ATRNL1: variants seen among roughly 807,000 people sequenced by gnomAD.
ATRNL1 encodes attractin-like protein 1.
ATRNL1 carries 95 observed loss-of-function variants against 182.7 expected under a neutral mutation model. The ratio of observed to expected loss-of-function variants is 0.52; its 90% CI spans 0.44 to 0.62. The LOEUF is 0.62. Ranked by LOEUF, ATRNL1 falls within the 20% of genes least tolerant of loss-of-function variation. The probability of loss-of-function intolerance (pLI) is 0.00; values close to 1 mark genes in which losing one functional copy is unlikely to be tolerated. For missense variants in ATRNL1, 1,471 were observed against 1,679.5 expected (o/e 0.88, Z 2.17); for synonymous variants, 576 against 568.3 (o/e 1.01, Z -0.19).
intron 28 of ATRNL1, among the ~76,000 whole-genome samples, chr10:115,883,112 T>C (rs1401822754): frequency 1.3e-5 from 2 of 152,202 alleles, no homozygotes; most frequent in Admixed American, 6.5e-5. Context: ...GGCAGGGCTT[T>C]GCGCAGATGG....
At chr10:115,615,800 T>A (rs1262735626) in intron 26 of ATRNL1, among the ~76,000 whole-genome samples, 1 of 152,198 alleles carries the variant, frequency 6.6e-6, no homozygotes, top group African/African-American at 2.4e-5. Context: ...CTGCCAGTCT[T>A]CCTGTACAGC....
At chr10:115,564,631 C>T (rs1853962580) in intron 26 of ATRNL1, among the ~76,000 whole-genome samples, 1 of 151,882 alleles carries the variant, frequency 6.6e-6, no homozygotes, top group Admixed American at 6.6e-5. Context: ...GTTTTCATAT[C>T]TATTTTTAAT....
intron 19 of ATRNL1, among the ~76,000 whole-genome samples, chr10:115,365,944 T>C (rs529407718): frequency 2.2e-4 from 33 of 152,328 alleles, no homozygotes; most frequent in South Asian, 2.1e-4. Context: ...CTTCCAAGTA[T>C]GTGGTCAATT....
chr10:115,580,100 C>G (rs1555006715), intron 26 of ATRNL1, among the ~76,000 whole-genome samples: 3 of 152,012 alleles, frequency 2.0e-5, no homozygotes, highest in African/African-American at 7.2e-5. Flanking sequence ...TGAAACTTTT[C>G]TCTTTTACCT....
At chr10:115,580,076 G>C (rs1854975219) in intron 26 of ATRNL1, among the ~76,000 whole-genome samples, 2 of 151,970 alleles carry the variant, frequency 1.3e-5, no homozygotes, top group African/African-American at 2.4e-5. Flanking sequence ...ACACAATTTA[G>C]TTATAGTTGT....
At chr10:115,424,596 TA>T (rs1434497072) in intron 20 of ATRNL1, among the ~76,000 whole-genome samples, 2 of 152,160 alleles carry the variant, frequency 1.3e-5, no homozygotes, top group Non-Finnish European at 2.9e-5. Flanking sequence ...ATTTTATCCA[TA>T]AAAATAATGA....
chr10:115,183,982 ATATTT>A (rs1211381575), intron 8 of ATRNL1, among the ~76,000 whole-genome samples: 2 of 151,654 alleles, frequency 1.3e-5, no homozygotes, highest in African/African-American at 4.8e-5. Flanking sequence ...TTTTATTAAT[ATATTT>A]TATAATAAGC....
intron 18 of ATRNL1, among the ~76,000 whole-genome samples, chr10:115,316,213 G>A (rs529259739): frequency 1.3e-5 from 2 of 152,122 alleles, no homozygotes; most frequent in African/African-American, 2.4e-5. Flanking sequence ...GCAGTGTTTC[G>A]TTTTCTGTTC....
chr10:115,171,020 T>A lies in ATRNL1; in HGVS notation c.1093-17T>A, dbSNP rs1310299119. ...TAACATTATTTTATCTATTAATATA[T>A]GTATTTTAATTTACAGGAAAACATC... On this transcript the variant is annotated splice_polypyrimidine_tract_variant and intron_variant, in intron 7 of 28. Transcript: ENST00000355044. The A allele has an allele frequency of 7.2e-7, 1 of 1,390,850 alleles. No homozygotes were observed. The highest frequency in any genetic ancestry group is 1.4e-5 in the African/African-American group (1 of 69,268). The allele number at this position is 1,390,850 out of a possible 1,614,324, so 86.2% of individuals were successfully genotyped here. A position where few individuals can be genotyped will look rare whatever the true frequency, so the allele number is the denominator to read the frequency against.
intron 15 of ATRNL1, among the ~76,000 whole-genome samples, chr10:115,287,502 GA>G (rs1852675167): frequency 5.1e-5 from 1 of 19,486 alleles, no homozygotes; most frequent in Non-Finnish European, 1.2e-4. Context: ...TATTGAAACT[GA>G]TTGTGGAAAA....
chr10:115,288,513 GTCT>G (rs1350420597), intron 15 of ATRNL1, among the ~76,000 whole-genome samples: 21 of 149,888 alleles, frequency 1.4e-4, no homozygotes, highest in African/African-American at 5.1e-4. Context: ...TCACTTGTAT[GTCT>G]TCTTTTTTTT....
At chr10:115,783,461 C>T (rs1378875587) in intron 27 of ATRNL1, among the ~76,000 whole-genome samples, 1 of 152,116 alleles carries the variant, frequency 6.6e-6, no homozygotes, top group African/African-American at 2.4e-5. Flanking sequence ...CTCCATTCAC[C>T]TCAGCAGGTT....
chr10:115,423,112 A>C (rs189345249), intron 20 of ATRNL1, among the ~76,000 whole-genome samples: 1 of 152,364 alleles, frequency 6.6e-6, no homozygotes, highest in Admixed American at 6.5e-5. Context: ...TGACACAAAG[A>C]AATGATAAAT....
At chr10:115,711,355 C>G (rs1318062757) in intron 26 of ATRNL1, among the ~76,000 whole-genome samples, 1 of 152,128 alleles carries the variant, frequency 6.6e-6, no homozygotes, top group Non-Finnish European at 1.5e-5. Context: ...TGCAGGCAGA[C>G]TTGCTTCTAA....
At chr10:115,914,063 T>C (rs782590645) in intron 28 of ATRNL1, among the ~76,000 whole-genome samples, 1 of 152,098 alleles carries the variant, frequency 6.6e-6, no homozygotes, top group Non-Finnish European at 1.5e-5. Context: ...GTTCTCATGA[T>C]AGTAAGTGAG....
intron 8 of ATRNL1, among the ~76,000 whole-genome samples, chr10:115,210,712 G>A (rs1478367402): frequency 1.3e-5 from 2 of 151,502 alleles, no homozygotes; most frequent in African/African-American, 4.8e-5. Context: ...CCTTTTTGAT[G>A]CACTTGTATA....
At chr10:115,447,572 G>A (rs1554966890) in intron 21 of ATRNL1, among the ~76,000 whole-genome samples, 1 of 151,630 alleles carries the variant, frequency 6.6e-6, no homozygotes, top group East Asian at 1.9e-4. Flanking sequence ...GCTTTTATGT[G>A]CAACATATTT....
At position 115,152,577 on chromosome 10, in the gene ATRNL1, T is replaced by G. The variant is rs551342379; in HGVS notation, c.830-7463T>G. Among the ~76,000 whole-genome samples the G allele has an allele frequency of 1.1e-4, 16 of 148,810 alleles. No homozygotes were observed. The South Asian group carries it at 2.7e-3, about 25-fold the overall frequency. On this transcript the variant is annotated intron_variant, in intron 5 of 28. Transcript: ENST00000355044. ...TGCACATGATTTTGTATCCTGAGAC[T>G]TTGCTGAAGTTGCTTATCAGCTTAA...
chr10:115,925,737 C>T (rs1043296796), intron 28 of ATRNL1, among the ~76,000 whole-genome samples: 2 of 152,146 alleles, frequency 1.3e-5, no homozygotes, highest in Non-Finnish European at 2.9e-5. Context: ...TACACGCACC[C>T]AATACAGGAG....
Sources: gnomAD v4.1 joint callset for allele counts (sites outside exome capture counted in the v4.1 genomes callset) on GRCh38, gnomAD v4.1.1 for gene constraint, MANE v1.5 for transcripts, NCBI Gene and HGNC (gene_info 2026-07-23, HGNC 2026-07-21) for gene names.